Variants in ELF1 observed in about 807,000 individuals in gnomAD.
ELF1 encodes the protein ETS-related transcription factor Elf-1.
A neutral mutation model predicts 59.9 loss-of-function variants in ELF1; 24 were observed. The ratio of observed to expected loss-of-function variants is 0.40; its 90% confidence interval spans 0.29 to 0.56. The LOEUF (loss-of-function observed/expected upper bound fraction) is 0.56. Among genes scored for constraint, ELF1 ranks in the 20% least tolerant of loss-of-function variants. The pLI is 0.44. For synonymous variants in ELF1, 248 were observed against 266.2 expected, an observed-to-expected ratio of 0.93 and a Z score of 0.67; for missense variants, 627 against 742.2, an observed-to-expected ratio of 0.84 and a Z score of 1.80.
chr13:40,973,296 C>T (rs987199863), intron 2 of ELF1, among the ~76,000 whole-genome samples: 1 of 152,052 alleles, frequency 6.6e-6, no homozygotes, highest in Non-Finnish European at 1.5e-5. Flanking sequence ...TTTTACCAGT[C>T]AAAATATTAT....
chr13:40,989,805 T>C (rs992909450), intron 1 of ELF1, among the ~76,000 whole-genome samples: 64 of 152,220 alleles, frequency 4.2e-4, no homozygotes, highest in African/African-American at 1.5e-3. Flanking sequence ...TTATTGTACA[T>C]AGGTAAAATG....
upstream of ELF1, among the ~76,000 whole-genome samples, chr13:41,023,671 T>C (rs770578444): frequency 3.3e-5 from 5 of 152,218 alleles, no homozygotes; most frequent in Non-Finnish European, 7.3e-5. Flanking sequence ...CTTTCCCACT[T>C]CTGCACGGAC....
rs1870787937 is a variant in ELF1 at position 40,950,520 on chromosome 13, T to C, written c.362-547A>G. On this transcript the variant is annotated intron_variant, in intron 4 of 8. Transcript: ENST00000239882. The stretch of plus-strand genomic sequence containing the variant: ...TTTTTTTTAACAGATCTGTGTCTTG[T>C]ATCTTTAACTCCATTCCCTCCAGCT... Among the ~76,000 whole-genome samples the C allele has an allele frequency of 2.6e-5, 4 of 152,128 alleles. No individual in the cohort carries two copies. In the South Asian group the frequency reaches 8.3e-4, roughly 32 times the overall value.
At chr13:41,038,248 G>T (rs762539457) in intron 1 of ELF1, among the ~76,000 whole-genome samples, 93 of 152,202 alleles carry the variant, frequency 6.1e-4, no homozygotes, top group African/African-American at 2.0e-3. Flanking sequence ...CCAGCACTTT[G>T]GGCAGTGATG....
intron 1 of ELF1, among the ~76,000 whole-genome samples, chr13:41,060,299 G>A (rs1400485775): frequency 6.6e-6 from 1 of 152,224 alleles, no homozygotes; most frequent in Non-Finnish European, 1.5e-5. Flanking sequence ...GCTCTGGGGC[G>A]CCCAGGGCAG....
chr13:41,053,368 T>C (rs898443803), intron 1 of ELF1, among the ~76,000 whole-genome samples: 2 of 151,288 alleles, frequency 1.3e-5, no homozygotes, highest in Non-Finnish European at 2.9e-5. Flanking sequence ...AAAAAAAAAA[T>C]TAAGATCATT....
At chr13:41,060,938 C>CGCCGCCGCCGCCGCCGCCGCT (rs1566205501) in exon 1 of ELF1, 1 of 343,924 alleles carries the variant, frequency 2.9e-6, no homozygotes, top group African/African-American at 2.4e-5. Context: ...CCGCCGCCGC[C>CGCCGCCGCCGCCGCCGCCGCT]GCCGCCGCTG....
intron 7 of ELF1, among the ~76,000 whole-genome samples, chr13:40,942,645 C>T (rs914351322): frequency 1.3e-5 from 2 of 152,000 alleles, no homozygotes; most frequent in Non-Finnish European, 2.9e-5. Context: ...CTCAGCCTGC[C>T]GAGTAGCTGG....
At chr13:41,028,383 A>C (rs867919155) in intron 1 of ELF1, among the ~76,000 whole-genome samples, 3 of 152,222 alleles carry the variant, frequency 2.0e-5, no homozygotes, top group Non-Finnish European at 2.9e-5. Context: ...AAACTACAAC[A>C]ACCCAATCCA....
At chr13:41,054,712 A>T (rs1042870775) in intron 1 of ELF1, among the ~76,000 whole-genome samples, 2 of 152,170 alleles carry the variant, frequency 1.3e-5, no homozygotes, top group African/African-American at 4.8e-5. Context: ...TTAGGAGATT[A>T]TTATTGGACT....
intron 1 of ELF1, among the ~76,000 whole-genome samples, chr13:40,987,977 A>G (rs1873648712): frequency 6.6e-6 from 1 of 152,256 alleles, no homozygotes; most frequent in Non-Finnish European, 1.5e-5. Context: ...TAAGAAAGTG[A>G]GAGAAAAGAA....
At chr13:40,972,085 GA>G (rs1872579315) in intron 2 of ELF1, among the ~76,000 whole-genome samples, 1 of 151,966 alleles carries the variant, frequency 6.6e-6, no homozygotes, top group Non-Finnish European at 1.5e-5. Flanking sequence ...ATAACTCAAA[GA>G]ATTTTAAAAA....
intron 5 of ELF1, among the ~76,000 whole-genome samples, chr13:40,948,586 T>G (rs936720795): frequency 2.0e-5 from 3 of 152,178 alleles, no homozygotes; most frequent in Admixed American, 6.6e-5. Flanking sequence ...GGTTACTGGG[T>G]GGGTGGTGAT....
chr13:41,036,204 C>A (rs1412911220), intron 1 of ELF1, among the ~76,000 whole-genome samples: 2 of 152,048 alleles, frequency 1.3e-5, no homozygotes, highest in Non-Finnish European at 2.9e-5. Flanking sequence ...GCATGAGCCA[C>A]CACAGCCGGC....
At position 40,936,963 on chromosome 13, in the gene ELF1, G is replaced by T. The variant is rs201792405; in HGVS notation, c.1257-2935C>A. On this transcript the variant is annotated intron_variant, in intron 8 of 8. Coordinates refer to ENST00000239882, the MANE Select transcript of ELF1 (RefSeq NM_172373.4). ...AGGGAGACTCAGTCTCAAAAAAAAA[G>T]TCCTTTTCTTGAGACACCTGACTGC... is the stretch of plus-strand genomic sequence containing the variant. Among the ~76,000 whole-genome samples the T allele has an allele frequency of 1.2e-3, 175 of 151,944 alleles. No individual in the cohort carries two copies. In the East Asian group the frequency reaches 0.016, roughly 14 times the overall value.
chr13:41,011,364 A>ATCT (rs1197825262), intron 1 of ELF1, among the ~76,000 whole-genome samples: 10 of 152,170 alleles, frequency 6.6e-5, no homozygotes, highest in African/African-American at 2.4e-4. Flanking sequence ...GTATGCCTAG[A>ATCT]TCTTCTTAGT....
upstream of ELF1, among the ~76,000 whole-genome samples, chr13:41,024,094 C>A (rs1167682591): frequency 6.6e-6 from 1 of 152,096 alleles, no homozygotes; most frequent in Non-Finnish European, 1.5e-5. Flanking sequence ...ACTGCAATCT[C>A]AAGTTGTTTG....
rs190543969 is a variant in ELF1, at chr13:41,035,204, T to C, written c.-229+25634A>G. Reference sequence around the variant, plus strand: ...AGCACTCAAGGATGAATAGATTTCCTTCAGAACTCTTCCTACTGGAATACT... The same window carrying C: ...AGCACTCAAGGATGAATAGATTTCCCTCAGAACTCTTCCTACTGGAATACT... On this transcript the variant is annotated intron_variant, in intron 1 of 1. Transcript: ENST00000405737. Among the ~76,000 whole-genome samples the C allele has an allele frequency of 1.4e-4, 21 of 152,376 alleles. No homozygotes were observed. The East Asian group carries it at 3.5e-3, about 25-fold the overall frequency.
intron 1 of ELF1, among the ~76,000 whole-genome samples, chr13:41,011,445 C>T (rs757400720): frequency 1.3e-5 from 2 of 152,038 alleles, no homozygotes; most frequent in Non-Finnish European, 2.9e-5. Context: ...CTGAAATAGG[C>T]AGTTAACTTT....
Sources: allele counts gnomAD v4.1 joint callset (sites outside exome capture counted in the v4.1 genomes callset), GRCh38; gene constraint gnomAD v4.1.1; transcripts MANE v1.5; gene names NCBI Gene and HGNC (gene_info 2026-07-23, HGNC 2026-07-21).